The following DACH2 variants were observed in gnomAD, a reference collection of about 807,000 sequenced individuals.
DACH2 encodes dachshund family transcription factor 2.
A neutral mutation model predicts 35.8 loss-of-function variants in DACH2; 17 were observed. That is an observed-to-expected ratio of 0.48 (90% confidence interval 0.33 to 0.71). DACH2 has a LOEUF of 0.71. Ranked by LOEUF, DACH2 falls within the 30% of genes least tolerant of loss-of-function variation. DACH2 has a pLI of 0.02. For missense variants in DACH2, 469 were observed against 472.7 expected (o/e 0.99, Z 0.07); for synonymous variants, 195 against 177.3 (o/e 1.10, Z -0.79).
At chrX:86,763,740 A>C (rs1422772834) in intron 7 of DACH2, among the ~76,000 whole-genome samples, 1 of 111,932 alleles carries the variant, frequency 8.9e-6, no homozygotes, top group African/African-American at 3.3e-5. Flanking sequence ...AGGACAGATG[A>C]TGTTCTAATG....
intron 3 of DACH2, among the ~76,000 whole-genome samples, chrX:86,517,539 C>T (rs1004653865): frequency 9.2e-6 from 1 of 108,828 alleles, no homozygotes; most frequent in East Asian, 2.9e-4. Context: ...GCCTCAGCCT[C>T]CCGAGTAGCT....
chrX:86,710,131 T>A (rs971111859), intron 5 of DACH2, among the ~76,000 whole-genome samples: 6 of 112,378 alleles, frequency 5.3e-5, no homozygotes, highest in African/African-American at 1.9e-4. Flanking sequence ...CTTTAATAGA[T>A]GAATGCATAA....
In DACH2 at chrX:86,556,781, TATATATATATATATAG is replaced by T. The variant is rs1295593451; in HGVS notation, c.640+42392_640+42407del. On this transcript the variant is annotated intron_variant, in intron 3 of 11. Coordinates refer to ENST00000373125, the MANE Select transcript of DACH2 (RefSeq NM_053281.3). ...GTATATATATATATATATATATATATATATATATATATATAGAGAGAGAGAGAGAGAGAGAGAGAGA... is the reference window on the plus strand; with the variant it reads ...GTATATATATATATATATATATATATAGAGAGAGAGAGAGAGAGAGAGAGA... 3.9e-3 allele frequency among the ~76,000 whole-genome samples: 248 copies of T among 62,872 alleles called. 2 individuals carry two copies. The highest frequency in any genetic ancestry group is 0.014 in the African/African-American group (210 of 15,368). The allele number at this position is 62,872 out of a possible 115,157, so 54.6% of individuals were successfully genotyped here. A position where few individuals can be genotyped will look rare whatever the true frequency, so the allele number is the denominator to read the frequency against.
intron 1 of DACH2, among the ~76,000 whole-genome samples, chrX:86,243,634 G>T (rs931802499): frequency 9.0e-6 from 1 of 111,318 alleles, no homozygotes; most frequent in Non-Finnish European, 1.9e-5. Flanking sequence ...TATTTTCTTT[G>T]TTGTTATCAC....
At chrX:86,627,684 T>C (rs1229435623) in intron 3 of DACH2, among the ~76,000 whole-genome samples, 2 of 111,892 alleles carry the variant, frequency 1.8e-5, no homozygotes, top group African/African-American at 6.5e-5. Context: ...ATTCATACAT[T>C]TATATCAATA....
chrX:86,308,806 C>A (rs1324467349), intron 1 of DACH2, among the ~76,000 whole-genome samples: 2 of 111,483 alleles, frequency 1.8e-5, no homozygotes, highest in Non-Finnish European at 3.8e-5. Flanking sequence ...TGATTCCAGG[C>A]AACTCATAAT....
intron 1 of DACH2, among the ~76,000 whole-genome samples, chrX:86,209,507 G>A (rs185166908): frequency 2.7e-5 from 3 of 111,456 alleles, no homozygotes; most frequent in Non-Finnish European, 5.7e-5. Flanking sequence ...TTCAAACAAG[G>A]GGCTTTATGT....
At chrX:86,467,502 G>A (rs1223333311) in intron 2 of DACH2, among the ~76,000 whole-genome samples, 2 of 111,418 alleles carry the variant, frequency 1.8e-5, no homozygotes, top group Non-Finnish European at 3.8e-5. Context: ...AGCCCTCCAA[G>A]TCTTAGAAAG....
At chrX:86,650,487 G>A (rs1170888926) in intron 3 of DACH2, among the ~76,000 whole-genome samples, 6 of 111,095 alleles carry the variant, frequency 5.4e-5, no homozygotes, top group African/African-American at 1.6e-4. Flanking sequence ...ATGCACTAAT[G>A]AGGATACACA....
intron 2 of DACH2, among the ~76,000 whole-genome samples, chrX:86,387,027 G>C (rs1205336247): frequency 9.0e-6 from 1 of 111,539 alleles, no homozygotes; most frequent in East Asian, 2.8e-4. Context: ...AGCAAGAAAA[G>C]AATGAAAAGC....
chrX:86,245,918 T>C (rs764032383), intron 1 of DACH2, among the ~76,000 whole-genome samples: 2 of 111,426 alleles, frequency 1.8e-5, no homozygotes, highest in Non-Finnish European at 3.8e-5. Flanking sequence ...ATCCAAAGAA[T>C]CTTAGGAATC....
chrX:86,630,362 TTA>T (rs780748425), intron 3 of DACH2, among the ~76,000 whole-genome samples: 29 of 106,638 alleles, frequency 2.7e-4, no homozygotes, highest in Admixed American at 4.1e-4. Flanking sequence ...TTGCTTTGAA[TTA>T]TATATATATA....
intron 3 of DACH2, among the ~76,000 whole-genome samples, chrX:86,647,943 A>ATACAT (rs1463864151): frequency 9.0e-6 from 1 of 111,114 alleles, no homozygotes; most frequent in Non-Finnish European, 1.9e-5. Context: ...CATAAGGGCT[A>ATACAT]TACATTATGA....
chrX:86,713,725 A>G (rs1465291936), intron 5 of DACH2, among the ~76,000 whole-genome samples: 1 of 111,554 alleles, frequency 9.0e-6, no homozygotes, highest in African/African-American at 3.3e-5. Flanking sequence ...CTTTCCTCCT[A>G]CAAATTTCAG....
At chrX:86,366,298 A>G (rs751572581) in intron 1 of DACH2, among the ~76,000 whole-genome samples, 2 of 110,967 alleles carry the variant, frequency 1.8e-5, no homozygotes, top group Non-Finnish European at 3.8e-5. Context: ...CTTTTATCTA[A>G]GGAGGATGAA....
chrX:86,830,505 C>T (rs916928163), intron 11 of DACH2: 1 of 111,327 alleles, frequency 9.0e-6, no homozygotes, highest in Non-Finnish European at 1.9e-5. Flanking sequence ...TCCTAATAGG[C>T]CTTGTAAGCA....
chrX:86,740,277 G>T (rs2041640094), intron 7 of DACH2, among the ~76,000 whole-genome samples: 1 of 110,801 alleles, frequency 9.0e-6, no homozygotes, highest in South Asian at 3.8e-4. Context: ...TATAAGATTT[G>T]CCAAAATCTC....
chrX:86,716,754 C>T (rs1169524753), intron 6 of DACH2, among the ~76,000 whole-genome samples: 1 of 111,943 alleles, frequency 8.9e-6, no homozygotes, highest in East Asian at 2.8e-4. Flanking sequence ...AAATGTGGTT[C>T]ATAATTGTGG....
chrX:86,691,061 C>T (rs1358779433), intron 4 of DACH2, among the ~76,000 whole-genome samples: 1 of 111,765 alleles, frequency 8.9e-6, no homozygotes, highest in Non-Finnish European at 1.9e-5. Context: ...TTCTTGAAGA[C>T]TTAAAGAGGT....
Sources: allele counts gnomAD v4.1 joint callset (sites outside exome capture counted in the v4.1 genomes callset), GRCh38; gene constraint gnomAD v4.1.1; transcripts MANE v1.5; gene names NCBI Gene and HGNC (gene_info 2026-07-23, HGNC 2026-07-21).